Variants in SHROOM4 observed in about 807,000 individuals in gnomAD.
SHROOM4 encodes the protein shroom family member 4, also known as protein Shroom4.
Under a neutral mutation model 80.3 loss-of-function variants are expected in SHROOM4, and 17 were observed. The observed-to-expected ratio is 0.21, with a 90% CI of 0.14 to 0.32. The LOEUF is 0.32. Ranked by LOEUF, SHROOM4 falls within the 10% of genes least tolerant of loss-of-function variation. The probability of loss-of-function intolerance (pLI) is 1.00; values close to 1 mark genes in which losing one functional copy is unlikely to be tolerated. For synonymous variants in SHROOM4, 400 were observed against 437.5 expected (o/e 0.91, Z 1.07); for missense variants, 993 against 1,140.3 (o/e 0.87, Z 1.86).
intron 5 of SHROOM4, among the ~76,000 whole-genome samples, chrX:50,608,630 G>T (rs1018459763): frequency 9.0e-6 from 1 of 111,585 alleles, no homozygotes; most frequent in African/African-American, 3.3e-5. Context: ...TGTTTTCTGG[G>T]GCTTACAAGC....
At chrX:50,636,862 T>G (rs1557256223) in intron 3 of SHROOM4, among the ~76,000 whole-genome samples, 1 of 111,718 alleles carries the variant, frequency 9.0e-6, no homozygotes, top group Non-Finnish European at 1.9e-5. Context: ...GTCTTTTAAA[T>G]AGGAATAATA....
At chrX:50,688,691 A>G (rs1327080527) in intron 2 of SHROOM4, among the ~76,000 whole-genome samples, 2 of 109,101 alleles carry the variant, frequency 1.8e-5, no homozygotes, top group African/African-American at 6.7e-5. Flanking sequence ...TCTATAGAGG[A>G]AAAAAAATGA....
chrX:50,705,693 C>T (rs1184494588), intron 1 of SHROOM4, among the ~76,000 whole-genome samples: 1 of 109,607 alleles, frequency 9.1e-6, no homozygotes, highest in Non-Finnish European at 1.9e-5. Context: ...ACCCTCCCTA[C>T]ACATTATCTT....
At chrX:50,799,650 CACA>C (rs1361467966) in intron 1 of SHROOM4, among the ~76,000 whole-genome samples, 9 of 112,127 alleles carry the variant, frequency 8.0e-5, no homozygotes, top group African/African-American at 2.9e-4. Context: ...GCCAGTCAGA[CACA>C]ACATGTCAGA....
At chrX:50,651,528 C>T (rs188451692) in intron 2 of SHROOM4, among the ~76,000 whole-genome samples, 4 of 111,735 alleles carry the variant, frequency 3.6e-5, no homozygotes, top group Non-Finnish European at 7.5e-5. Flanking sequence ...ATTCTGGGGA[C>T]CCATCCTCGA....
At chrX:50,683,695 G>C (rs979424238) in intron 2 of SHROOM4, among the ~76,000 whole-genome samples, 1 of 111,719 alleles carries the variant, frequency 9.0e-6, no homozygotes, top group Admixed American at 9.6e-5. Flanking sequence ...TTTGGAGGTA[G>C]AAGTTAATGA....
In SHROOM4 at chrX:50,783,637, G is replaced by A. The variant is rs782557794; in HGVS notation, c.117+30265C>T. On this transcript the variant is annotated intron_variant, in intron 1 of 8. Transcript: ENST00000376020. ...GTCACCCAGCCTGGAGTGCAGTGGC[G>A]TGATCTCAGCTCACTGCAACCTCCA... 1.3e-3 allele frequency among the ~76,000 whole-genome samples: 147 copies of A among 109,477 alleles called. 1 individual carries two copies. The highest frequency in any genetic ancestry group is 4.8e-3 in the African/African-American group (144 of 29,978).
chrX:50,772,247 T>A (rs782766867), intron 1 of SHROOM4, among the ~76,000 whole-genome samples: 47 of 111,819 alleles, frequency 4.2e-4, no homozygotes, highest in Non-Finnish European at 9.4e-5. Flanking sequence ...AGAGAAAACA[T>A]GTGGTAACAA....
chrX:50,778,206 T>A lies in SHROOM4; in HGVS notation c.117+35696A>T, dbSNP rs782131835. Reference sequence around the variant, plus strand: ...TGCAGACTCTTGAGTACCCTTCACATATCACACTAATTTTTTAGCCAATTA... The same window carrying A: ...TGCAGACTCTTGAGTACCCTTCACAAATCACACTAATTTTTTAGCCAATTA... On this transcript the variant is annotated intron_variant, in intron 1 of 8. Coordinates refer to ENST00000376020, the MANE Select transcript of SHROOM4 (RefSeq NM_020717.5). Among the ~76,000 whole-genome samples the A allele has an allele frequency of 3.6e-5, 4 of 112,518 alleles. No individual in the cohort carries two copies. The East Asian group carries it at 1.1e-3, about 31-fold the overall frequency.
chrX:50,611,300 T>C (rs1390892736), intron 5 of SHROOM4, among the ~76,000 whole-genome samples: 19 of 109,584 alleles, frequency 1.7e-4, no homozygotes, highest in Non-Finnish European at 3.1e-4. Context: ...AGGCGCCCGC[T>C]ACCGCGCCCG....
At chrX:50,709,327 T>C (rs1426971682) in intron 1 of SHROOM4, among the ~76,000 whole-genome samples, 1 of 112,144 alleles carries the variant, frequency 8.9e-6, no homozygotes, top group African/African-American at 3.2e-5. Context: ...GCCATGCATA[T>C]GGGAACAATA....
chrX:50,673,634 T>G (rs1257534634), intron 2 of SHROOM4, among the ~76,000 whole-genome samples: 3 of 110,689 alleles, frequency 2.7e-5, no homozygotes, highest in Non-Finnish European at 3.8e-5. Flanking sequence ...ATGATTCAAC[T>G]ATATGCTGTC....
chrX:50,734,247 T>C (rs1934430828), intron 1 of SHROOM4, among the ~76,000 whole-genome samples: 1 of 111,622 alleles, frequency 9.0e-6, no homozygotes, highest in Admixed American at 9.5e-5. Flanking sequence ...AGCTGACTTG[T>C]TTGTACAAAT....
intron 2 of SHROOM4, among the ~76,000 whole-genome samples, chrX:50,642,001 G>A (rs782103453): frequency 1.8e-5 from 2 of 112,569 alleles, no homozygotes; most frequent in South Asian, 7.5e-4. Context: ...AGGACACAGA[G>A]AAAACTAAAG....
At position 50,598,534 on chromosome X, in the gene SHROOM4, A is replaced by G. The variant is rs149300669; in HGVS notation, c.3944T>C (p.Ile1315Thr). The G allele has an allele frequency of 6.6e-4, 790 of 1,201,532 alleles. No homozygotes were observed. Among genetic ancestry groups the G allele is most frequent in the Non-Finnish European group, 8.0e-4 (709 of 890,619 alleles). The stretch of plus-strand genomic sequence containing the variant: ...TCTGCTGATGCTTTCGATAAGCTGT[A>G]TCTAGGGGAATTAAACAGGAGAAGA... ...EVDHELAQKKIQLIESISRKL... is the reference protein window; with the variant it reads ...EVDHELAQKKTQLIESISRKL... Residue 1315 changes from isoleucine to threonine, a missense_variant and splice_region_variant, in exon 8 of 9, where the codon ATA becomes ACA. By Grantham distance (89) the Ile-to-Thr change is moderately conservative. Transcript: ENST00000376020.
chrX:50,602,751 G>A lies in SHROOM4; in HGVS notation c.3824C>T (p.Ala1275Val). The change falls in exon 7 of 9, where the codon GCT (alanine) becomes GTT (valine). Residue 1275 changes from alanine to valine, a missense_variant. Physicochemically the swap from Ala to Val is moderately conservative, Grantham distance 64. Coordinates refer to ENST00000376020, the MANE Select transcript of SHROOM4 (RefSeq NM_020717.5). The stretch of plus-strand genomic sequence containing the variant: ...CTTGGCCACAGAAATATTGTAATAA[G>A]CTGAGTAAGAGGTAGGGATTCCTGG... Reference protein sequence around the residue: ...GAPGIPTSYSAYYNISVAKAE... With the variant: ...GAPGIPTSYSVYYNISVAKAE... The A allele has an allele frequency of 1.7e-6, 2 of 1,211,159 alleles. No homozygotes were observed. The highest frequency in any genetic ancestry group is 2.2e-6 in the Non-Finnish European group (2 of 895,118).
At chrX:50,679,621 C>A (rs1932901382) in intron 2 of SHROOM4, among the ~76,000 whole-genome samples, 2 of 111,190 alleles carry the variant, frequency 1.8e-5, no homozygotes, top group Non-Finnish European at 3.8e-5. Flanking sequence ...GTGATACATG[C>A]AAATAATACA....
chrX:50,795,813 T>C (rs1935999424), intron 1 of SHROOM4, among the ~76,000 whole-genome samples: 1 of 112,295 alleles, frequency 8.9e-6, no homozygotes, highest in Admixed American at 9.5e-5. Flanking sequence ...TCCATATGCC[T>C]CATTTTCTTT....
intron 2 of SHROOM4, among the ~76,000 whole-genome samples, chrX:50,686,806 T>C (rs1557262291): frequency 9.0e-6 from 1 of 111,583 alleles, no homozygotes; most frequent in Non-Finnish European, 1.9e-5. Flanking sequence ...ATAAGCTCCA[T>C]GTGGGCAGGG....
Sources: allele counts gnomAD v4.1 joint callset (sites outside exome capture counted in the v4.1 genomes callset), GRCh38; gene constraint gnomAD v4.1.1; transcripts MANE v1.5; gene names NCBI Gene and HGNC (gene_info 2026-07-23, HGNC 2026-07-21).